Variants in PRTG observed in about 807,000 individuals in gnomAD.
PRTG encodes the protein protogenin, also known as immunoglobulin superfamily, DCC subclass, member 5.
In PRTG, 67 loss-of-function variants were observed where a neutral mutation model predicts 122.5. The ratio of observed to expected loss-of-function variants is 0.55; its 90% CI spans 0.45 to 0.67. PRTG has a LOEUF of 0.67. Ranked by LOEUF, PRTG falls within the 30% of genes least tolerant of loss-of-function variation. The probability of loss-of-function intolerance (pLI) is 0.00; values close to 1 mark genes in which losing one functional copy is unlikely to be tolerated. For missense variants in PRTG, 1,435 were observed against 1,415.4 expected (o/e 1.01, Z -0.22); for synonymous variants, 554 against 501.1 (o/e 1.11, Z -1.41).
intron 11 of PRTG, among the ~76,000 whole-genome samples, chr15:55,651,893 T>TAA (rs1231919377): frequency 6.6e-6 from 1 of 152,154 alleles, no homozygotes; most frequent in African/African-American, 2.4e-5. Flanking sequence ...GGTGAAGACT[T>TAA]AGAGAGTTTT....
intron 2 of PRTG, among the ~76,000 whole-genome samples, chr15:55,704,445 G>A (rs2030006339): frequency 6.6e-6 from 1 of 152,070 alleles, no homozygotes; most frequent in African/African-American, 2.4e-5. Context: ...CTTTACAAAT[G>A]GTTATTTCAA....
chr15:55,713,926 T>A (rs575735158), intron 2 of PRTG, among the ~76,000 whole-genome samples: 2 of 152,192 alleles, frequency 1.3e-5, no homozygotes, highest in Non-Finnish European at 2.9e-5. Context: ...ATAAAATTTA[T>A]TAATTTTTTT....
chr15:55,622,924 T>C (rs947023098), intron 18 of PRTG, among the ~76,000 whole-genome samples: 2 of 152,122 alleles, frequency 1.3e-5, no homozygotes, highest in Non-Finnish European at 2.9e-5. Flanking sequence ...TAATTTGTAT[T>C]GAAAAGTAAA....
At chr15:55,682,123 A>G (rs2059541909) in intron 4 of PRTG, among the ~76,000 whole-genome samples, 1 of 152,200 alleles carries the variant, frequency 6.6e-6, no homozygotes, top group South Asian at 2.1e-4. Flanking sequence ...ATAGAATACC[A>G]AAGACTGAAT....
At chr15:55,690,475 A>C (rs186107156) in intron 2 of PRTG, among the ~76,000 whole-genome samples, 72 of 152,290 alleles carry the variant, frequency 4.7e-4, no homozygotes, top group Admixed American at 9.2e-4. Context: ...AGGACAGAGC[A>C]CCCCCAAAAG....
intron 2 of PRTG, among the ~76,000 whole-genome samples, chr15:55,711,993 A>G (rs1244999842): frequency 3.3e-5 from 5 of 152,194 alleles, no homozygotes; most frequent in African/African-American, 1.2e-4. Context: ...TGAGGTTCCC[A>G]GAAGGAAACA....
chr15:55,704,012 A>T (rs1295655280), intron 2 of PRTG, among the ~76,000 whole-genome samples: 2 of 152,138 alleles, frequency 1.3e-5, no homozygotes, highest in Non-Finnish European at 2.9e-5. Context: ...GTACAGAAAA[A>T]ACATGCATAG....
chr15:55,701,303 G>A (rs2059662209), intron 2 of PRTG, among the ~76,000 whole-genome samples: 2 of 152,296 alleles, frequency 1.3e-5, no homozygotes, highest in South Asian at 2.1e-4. Flanking sequence ...TTGGGAGGCC[G>A]AAGCGGGTGG....
chr15:55,736,324 T>G (rs1335556977), intron 2 of PRTG, among the ~76,000 whole-genome samples: 1 of 151,902 alleles, frequency 6.6e-6, no homozygotes, highest in South Asian at 2.1e-4. Context: ...AAATCCAAAA[T>G]CTAGCATATA....
At chr15:55,626,282 G>C (rs1194109620) in intron 17 of PRTG, among the ~76,000 whole-genome samples, 3 of 151,948 alleles carry the variant, frequency 2.0e-5, no homozygotes, top group Non-Finnish European at 4.4e-5. Context: ...GGTGGCAGGC[G>C]CTTGTAATGC....
Position 55,673,380 on chromosome 15 carries a change from T to C in PRTG, c.1843A>G (p.Ser615Gly). ...WTSHRTPKAT[S>G]VKAPKSPELH... ...GTCTTCAGAAATTCACCTTTCACGCTTGTAGCTTTGGGCGTCCTATGTGAA... is the reference window on the plus strand; with the variant it reads ...GTCTTCAGAAATTCACCTTTCACGCCTGTAGCTTTGGGCGTCCTATGTGAA... The change falls in exon 10 of 20, where the codon AGC (serine) becomes GGC (glycine). Residue 615 changes from serine (S) to glycine (G), a missense_variant. Transcript: ENST00000389286. 2 of 1,611,632 alleles carry C rather than the reference T, an allele frequency of 1.2e-6. No individual in the cohort carries two copies. The highest frequency in any genetic ancestry group is 1.7e-6 in the Non-Finnish European group (2 of 1,177,838).
chr15:55,732,221 C>G (rs1406118241), intron 2 of PRTG, among the ~76,000 whole-genome samples: 1 of 152,204 alleles, frequency 6.6e-6, no homozygotes, highest in Non-Finnish European at 1.5e-5. Context: ...CAGAGTCTTA[C>G]TCTGTCACCC....
intron 11 of PRTG, among the ~76,000 whole-genome samples, chr15:55,665,806 C>T (rs1024195158): frequency 1.3e-5 from 2 of 152,098 alleles, no homozygotes; most frequent in South Asian, 2.1e-4. Context: ...CCACCCACAT[C>T]GGCCTCCCAG....
intron 2 of PRTG, among the ~76,000 whole-genome samples, chr15:55,718,326 C>T (rs1478493782): frequency 1.3e-5 from 2 of 152,052 alleles, no homozygotes; most frequent in South Asian, 4.1e-4. Context: ...TTTACACATC[C>T]GTCCCTCCCT....
intron 1 of PRTG, among the ~76,000 whole-genome samples, chr15:55,741,142 G>A (rs1238805651): frequency 6.6e-6 from 1 of 152,176 alleles, no homozygotes; most frequent in East Asian, 1.9e-4. Flanking sequence ...TGGAACCCGT[G>A]GCACCTACTC....
chr15:55,670,692 G>C (rs1196056475), intron 11 of PRTG, among the ~76,000 whole-genome samples: 2 of 152,044 alleles, frequency 1.3e-5, no homozygotes, highest in East Asian at 1.9e-4. Flanking sequence ...CCTGAGGTTG[G>C]GAGTTCAAGA....
At chr15:55,687,589 C>A (rs2059577378) in intron 2 of PRTG, among the ~76,000 whole-genome samples, 1 of 152,052 alleles carries the variant, frequency 6.6e-6, no homozygotes, top group Non-Finnish European at 1.5e-5. Flanking sequence ...AACAATTGAG[C>A]TAACCTTGTA....
At chr15:55,646,467 C>T (rs546808218) in intron 11 of PRTG, among the ~76,000 whole-genome samples, 95 of 152,070 alleles carry the variant, frequency 6.2e-4, no homozygotes, top group Middle Eastern at 3.4e-3. Flanking sequence ...GGACTACAGG[C>T]GCCCGCCACC....
In PRTG at chr15:55,678,005, A is replaced by G; in HGVS notation, c.1173T>C (p.Ala391=). Residue 391 remains alanine, a synonymous_variant, in exon 8 of 20, where the codon GCT becomes GCC. Coordinates refer to ENST00000389286, the MANE Select transcript of PRTG (RefSeq NM_173814.6). ...TATTCTCAGCCATGCACTGATAAAT[A>G]GCATCATCTTCAGGAATAATCTGGT... ...VINQIIPEDD[A]IYQCMAENSQ... The G allele has an allele frequency of 1.2e-6, 2 of 1,602,766 alleles. No homozygotes were observed. Among genetic ancestry groups the G allele is most frequent in the Non-Finnish European group, 1.7e-6 (2 of 1,170,500 alleles).
Sources: allele counts gnomAD v4.1 joint callset (sites outside exome capture counted in the v4.1 genomes callset), GRCh38; gene constraint gnomAD v4.1.1; transcripts MANE v1.5; gene names NCBI Gene and HGNC (gene_info 2026-07-23, HGNC 2026-07-21).